EHBP1: variants seen among roughly 807,000 people sequenced by gnomAD.
The protein encoded by EHBP1 is EH domain binding protein 1.
EHBP1 carries 55 observed loss-of-function variants against 144.0 expected under a neutral mutation model. The observed-to-expected ratio is 0.38, with a 90% CI of 0.31 to 0.48. The LOEUF is 0.48. Among genes scored for constraint, EHBP1 ranks in the 20% least tolerant of loss-of-function variants. The pLI, the probability that EHBP1 is intolerant of heterozygous loss-of-function variation, is 0.98. For synonymous variants in EHBP1, 469 were observed against 472.7 expected (o/e 0.99, Z 0.10); for missense variants, 1,200 against 1,364.2 (o/e 0.88, Z 1.90).
At chr2:62,794,548 A>G (rs1299022656) in intron 5 of EHBP1, among the ~76,000 whole-genome samples, 2 of 152,066 alleles carry the variant, frequency 1.3e-5, no homozygotes, top group Admixed American at 6.6e-5. Flanking sequence ...AAATTTGGGT[A>G]CTACTTTCAA....
chr2:62,817,937 T>C (rs1166000585), intron 5 of EHBP1, among the ~76,000 whole-genome samples: 1 of 152,036 alleles, frequency 6.6e-6, no homozygotes, highest in Admixed American at 6.6e-5. Flanking sequence ...ACTCCTACTT[T>C]CCTTATCACA....
At chr2:62,848,149 GCTCACTGCAACCTCCAC>G (rs1455887421) in intron 7 of EHBP1, among the ~76,000 whole-genome samples, 2 of 147,702 alleles carry the variant, frequency 1.4e-5, no homozygotes, top group African/African-American at 5.0e-5. Flanking sequence ...CATGATTTCA[GCTCACTGCAACCTCCAC>G]CTCCCAGGTT....
At chr2:62,985,668 T>C (rs984599884) in intron 15 of EHBP1, among the ~76,000 whole-genome samples, 1 of 152,188 alleles carries the variant, frequency 6.6e-6, no homozygotes, top group African/African-American at 2.4e-5. Flanking sequence ...CACCATTCTC[T>C]GAACATAACC....
intron 18 of EHBP1, among the ~76,000 whole-genome samples, chr2:62,995,585 A>T (rs1559041884): frequency 6.6e-6 from 1 of 152,046 alleles, no homozygotes; most frequent in Non-Finnish European, 1.5e-5. Context: ...TTTACAGAAG[A>T]AGTTTGTTCA....
chr2:62,975,387 A>G (rs537344918), intron 14 of EHBP1, among the ~76,000 whole-genome samples: 101 of 152,308 alleles, frequency 6.6e-4, no homozygotes, highest in African/African-American at 2.4e-3. Context: ...AGGGAATGGC[A>G]AGGTCACATT....
intron 3 of EHBP1, among the ~76,000 whole-genome samples, chr2:62,762,148 G>A (rs2040820291): frequency 6.6e-6 from 1 of 152,040 alleles, no homozygotes; most frequent in African/African-American, 2.4e-5. Context: ...CGTTTTTCAG[G>A]CCTCATCCTA....
At position 62,948,600 on chromosome 2, in the gene EHBP1, G is replaced by T. The variant is rs2057201891; in HGVS notation, c.1754G>T (p.Gly585Val). 6.2e-7 allele frequency: 1 copy of T among 1,613,914 alleles called. No individual in the cohort carries two copies. The change falls in exon 13 of 23, where the codon GGG becomes GTG. Residue 585 changes from glycine (G) to valine (V), a missense_variant. Around this residue, in one of 6 missense-constraint regions of EHBP1, gnomAD observed 543 missense variants for 513.1 expected, o/e 1.06. Transcript: ENST00000431489. The part of the protein sequence containing the change: ...QDDSVFVNDS[G>V]VGESESEHQT... Reference sequence around the variant, plus strand: ...GACTCTGTATTTGTAAATGATAGCGGGGTTGGAGAGTCAGAAAGTGAGCAT... The same window carrying T: ...GACTCTGTATTTGTAAATGATAGCGTGGTTGGAGAGTCAGAAAGTGAGCAT...
At chr2:62,908,334 A>T (rs1574005830) in intron 10 of EHBP1, among the ~76,000 whole-genome samples, 1 of 151,850 alleles carries the variant, frequency 6.6e-6, no homozygotes, top group Non-Finnish European at 1.5e-5. Flanking sequence ...TTGTGTTTTC[A>T]CTTTCTTTTT....
chr2:62,816,511 A>C (rs146311023), intron 5 of EHBP1, among the ~76,000 whole-genome samples: 1 of 152,202 alleles, frequency 6.6e-6, no homozygotes, highest in Non-Finnish European at 1.5e-5. Flanking sequence ...CTGTTAGTCT[A>C]AACTCTCCAG....
chr2:62,880,025 A>G (rs1278410771), intron 10 of EHBP1, among the ~76,000 whole-genome samples: 2 of 152,216 alleles, frequency 1.3e-5, no homozygotes, highest in African/African-American at 2.4e-5. Context: ...GCACAGACCA[A>G]TGGAACAGTT....
chr2:62,894,742 G>T (rs1029734624), intron 10 of EHBP1, among the ~76,000 whole-genome samples: 1 of 152,004 alleles, frequency 6.6e-6, no homozygotes, highest in African/African-American at 2.4e-5. Flanking sequence ...GGTACTGAAT[G>T]GCACTATTAA....
chr2:62,929,917 G>A (rs2055850582), intron 10 of EHBP1, among the ~76,000 whole-genome samples: 1 of 152,014 alleles, frequency 6.6e-6, no homozygotes, highest in African/African-American at 2.4e-5. Context: ...CCAACAATGA[G>A]CAATCCACGA....
intron 5 of EHBP1, among the ~76,000 whole-genome samples, chr2:62,811,546 A>G (rs1336590304): frequency 2.6e-5 from 4 of 152,238 alleles, no homozygotes; most frequent in South Asian, 2.1e-4. Flanking sequence ...TTAATGATTT[A>G]TAGAATAATG....
intron 10 of EHBP1, among the ~76,000 whole-genome samples, chr2:62,897,628 C>T (rs1228586610): frequency 6.6e-6 from 1 of 152,172 alleles, no homozygotes; most frequent in Non-Finnish European, 1.5e-5. Context: ...GCTCTGCCTA[C>T]TCAGCATTTC....
intron 5 of EHBP1, among the ~76,000 whole-genome samples, chr2:62,815,892 C>T (rs2045406371): frequency 3.9e-5 from 6 of 152,076 alleles, no homozygotes; most frequent in Admixed American, 2.6e-4. Flanking sequence ...TTTCAAATGA[C>T]TATAATGTTG....
At chr2:62,767,436 G>A (rs2041277185) in intron 4 of EHBP1, among the ~76,000 whole-genome samples, 1 of 152,058 alleles carries the variant, frequency 6.6e-6, no homozygotes, top group African/African-American at 2.4e-5. Context: ...AGTGGGTCAT[G>A]TCTGTAATCC....
rs757973646 is a variant in EHBP1, at chr2:62,948,700, C to G, written c.1854C>G (p.Pro618=). Residue 618 remains proline, a synonymous_variant, in exon 13 of 23, where the codon CCC becomes CCG. Transcript: ENST00000431489. The part of the protein sequence containing the change: ...YCRRTKSDTE[P]QKSQQSSGRT... ...GCAGGACTAAAAGTGACACAGAACC[C>G]CAGAAGTCTCAGCAGAGCTCTGGAA... 1 of 1,613,946 alleles carries G rather than the reference C, an allele frequency of 6.2e-7. No homozygotes were observed. The highest frequency in any genetic ancestry group is 1.1e-5 in the South Asian group (1 of 91,070).
At chr2:62,840,493 T>C (rs1172431512) in intron 7 of EHBP1, among the ~76,000 whole-genome samples, 1 of 148,564 alleles carries the variant, frequency 6.7e-6, no homozygotes, top group Non-Finnish European at 1.5e-5. Flanking sequence ...ACAAATGGGA[T>C]CTAATTAAAC....
At chr2:62,880,404 C>T (rs904611070) in intron 10 of EHBP1, among the ~76,000 whole-genome samples, 28 of 147,108 alleles carry the variant, frequency 1.9e-4, no homozygotes, top group Admixed American at 1.8e-3. Context: ...AGCTTCTGCA[C>T]AGCAAAAAAG....
Sources: gnomAD v4.1 joint callset for allele counts (sites outside exome capture counted in the v4.1 genomes callset) on GRCh38, gnomAD v4.1.1 for gene constraint, gnomAD v4.1.1 regional missense constraint, MANE v1.5 for transcripts, NCBI Gene and HGNC (gene_info 2026-07-23, HGNC 2026-07-21) for gene names.